The following HYAL4 variants were observed in gnomAD, a reference collection of about 807,000 sequenced individuals.
HYAL4 encodes the protein hyaluronidase 4.
Under a neutral mutation model 35.2 loss-of-function variants are expected in HYAL4, and 37 were observed. The ratio of observed to expected loss-of-function variants is 1.05; its 90% CI spans 0.81 to 1.38. HYAL4 has a LOEUF of 1.38. Among genes scored for constraint, HYAL4 ranks in the 40% most tolerant of loss-of-function variants. The pLI is 0.00. For missense variants in HYAL4, 572 were observed against 572.4 expected (o/e 1.00, Z 0.01); for synonymous variants, 198 against 203.2 (o/e 0.97, Z 0.22).
At chr7:123,813,822 GC>G in the HYAL4 span, among the ~76,000 whole-genome samples, 1 of 152,132 alleles carries the variant, frequency 6.6e-6, no homozygotes, top group Admixed American at 6.6e-5. Context: ...TCCTCTTAGA[GC>G]CAGTGAAGGC....
At chr7:123,842,370 T>C (rs1466251432), upstream of HYAL4, among the ~76,000 whole-genome samples, 4 of 152,044 alleles carry the variant, frequency 2.6e-5, no homozygotes, top group African/African-American at 9.7e-5. Flanking sequence ...GACAGTTTGT[T>C]GTGATTTCTG....
the HYAL4 span, among the ~76,000 whole-genome samples, chr7:123,803,354 C>T: frequency 1.4e-4 from 22 of 152,014 alleles, no homozygotes; most frequent in Non-Finnish European, 2.1e-4. Flanking sequence ...AAAAGAATGC[C>T]GCCTTCACTA....
the HYAL4 span, among the ~76,000 whole-genome samples, chr7:123,811,574 A>G: frequency 6.6e-6 from 1 of 152,134 alleles, no homozygotes; most frequent in African/African-American, 2.4e-5. Context: ...TATATTTTAG[A>G]TAACACTTCT....
chr7:123,827,753 A>G (rs911110806), upstream of HYAL4, among the ~76,000 whole-genome samples: 1 of 152,138 alleles, frequency 6.6e-6, no homozygotes, highest in African/African-American at 2.4e-5. Flanking sequence ...AATCTCCCAA[A>G]TCTTTACCAG....
upstream of HYAL4, among the ~76,000 whole-genome samples, chr7:123,841,450 T>A (rs1020511842): frequency 6.6e-6 from 1 of 152,078 alleles, no homozygotes. Context: ...TCTAAAATTC[T>A]CTTTTCTGTG....
At chr7:123,841,850 AT>A (rs1217108123), upstream of HYAL4, among the ~76,000 whole-genome samples, 24 of 151,936 alleles carry the variant, frequency 1.6e-4, no homozygotes, top group African/African-American at 5.6e-4. Flanking sequence ...CCCGTTTATC[AT>A]TTTTTATTGC....
upstream of HYAL4, among the ~76,000 whole-genome samples, chr7:123,828,232 C>T (rs187165062): frequency 1.4e-4 from 22 of 152,126 alleles, no homozygotes; most frequent in Non-Finnish European, 2.6e-4. Flanking sequence ...TAAAAACTGA[C>T]TGATGGACAA....
chr7:123,854,107 T>A (rs1806375408), intron 2 of HYAL4, among the ~76,000 whole-genome samples: 1 of 152,216 alleles, frequency 6.6e-6, no homozygotes. Flanking sequence ...TCTATTTGAT[T>A]CTTCTCTCTT....
chr7:123,791,138 T>C, the HYAL4 span, among the ~76,000 whole-genome samples: 1 of 152,196 alleles, frequency 6.6e-6, no homozygotes, highest in African/African-American at 2.4e-5. Context: ...ACGATTTGTT[T>C]ATGCAGCTTG....
At chr7:123,786,879 G>A in the HYAL4 span, among the ~76,000 whole-genome samples, 94 of 151,988 alleles carry the variant, frequency 6.2e-4, no homozygotes, top group African/African-American at 2.2e-3. Flanking sequence ...AAGCTGAGGC[G>A]GGCAGATAAC....
At chr7:123,818,999 T>A in the HYAL4 span, among the ~76,000 whole-genome samples, 3 of 152,306 alleles carry the variant, frequency 2.0e-5, no homozygotes, top group Middle Eastern at 3.4e-3. Flanking sequence ...TCATTACCTA[T>A]AGACACCATG....
the HYAL4 span, among the ~76,000 whole-genome samples, chr7:123,806,936 G>C: frequency 3.3e-5 from 5 of 152,260 alleles, no homozygotes; most frequent in African/African-American, 1.2e-4. Flanking sequence ...GAAGGGACAG[G>C]ATTGGCCTAG....
At chr7:123,862,514 A>G (rs10264078) in intron 2 of HYAL4, among the ~76,000 whole-genome samples, 8,146 of 152,262 alleles carry the variant, frequency 0.053, 753 homozygotes, top group African/African-American at 0.19. Flanking sequence ...CTCTAATCGT[A>G]AAGATCAGTG....
intron 2 of HYAL4, among the ~76,000 whole-genome samples, chr7:123,857,689 C>G (rs56325668): frequency 0.26 from 32,514 of 124,254 alleles, 4,044 homozygotes; most frequent in Middle Eastern, 0.35. Flanking sequence ...TTCTTTCTTT[C>G]TTTCTTTCTT....
the HYAL4 span, among the ~76,000 whole-genome samples, chr7:123,819,965 A>G: frequency 6.7e-6 from 1 of 149,138 alleles, no homozygotes; most frequent in Admixed American, 6.8e-5. Context: ...ATCTTGGCAC[A>G]CTGCAACCTC....
At chr7:123,764,102 G>A in the HYAL4 span, among the ~76,000 whole-genome samples, 2 of 152,082 alleles carry the variant, frequency 1.3e-5, no homozygotes, top group Non-Finnish European at 2.9e-5. Flanking sequence ...CCTACCTCAG[G>A]CTACTGAGTA....
At chr7:123,856,303 CA>C (rs1213462068) in intron 2 of HYAL4, among the ~76,000 whole-genome samples, 3 of 152,076 alleles carry the variant, frequency 2.0e-5, no homozygotes, top group African/African-American at 7.2e-5. Context: ...AGCATTTTTG[CA>C]CTGGTTTTTC....
intron 2 of HYAL4, among the ~76,000 whole-genome samples, chr7:123,857,494 G>A (rs1376883667): frequency 6.6e-6 from 1 of 151,848 alleles, no homozygotes; most frequent in Non-Finnish European, 1.5e-5. Flanking sequence ...GCTTCTGCTT[G>A]CCCTCCATGG....
intron 2 of HYAL4, among the ~76,000 whole-genome samples, chr7:123,866,873 C>T (rs568935878): frequency 1.1e-4 from 16 of 151,108 alleles, no homozygotes; most frequent in Admixed American, 6.6e-4. Context: ...TCACTGCAAC[C>T]GCCACCTCCC....
Sources: gnomAD v4.1 joint callset for allele counts (sites outside exome capture counted in the v4.1 genomes callset) on GRCh38, gnomAD v4.1.1 for gene constraint, MANE v1.5 for transcripts, NCBI Gene and HGNC (gene_info 2026-07-23, HGNC 2026-07-21) for gene names.